The following AFF4 variants were observed in gnomAD, a reference collection of about 807,000 sequenced individuals.
AFF4 encodes the protein AF4/FMR2 family member 4.
In AFF4, 13 loss-of-function variants were observed where a neutral mutation model predicts 124.8. The ratio of observed to expected loss-of-function variants is 0.10; its 90% confidence interval spans 0.07 to 0.17. AFF4 has a LOEUF of 0.17. Among genes scored for constraint, AFF4 ranks in the 10% least tolerant of loss-of-function variants. AFF4 has a pLI of 1.00. For synonymous variants in AFF4, 477 were observed against 496.1 expected (o/e 0.96, Z 0.51); for missense variants, 1,092 against 1,403.8 (o/e 0.78, Z 3.55).
chr5:132,923,039 G>A (rs1435745795), intron 5 of AFF4, among the ~76,000 whole-genome samples: 1 of 151,992 alleles, frequency 6.6e-6, no homozygotes. Flanking sequence ...AGCCGGGCGT[G>A]GTGGTGCGTA....
chr5:132,925,653 C>T (rs563555736), intron 5 of AFF4, among the ~76,000 whole-genome samples: 3 of 152,156 alleles, frequency 2.0e-5, no homozygotes, highest in South Asian at 4.2e-4. Context: ...CACAAAGAAA[C>T]CAAATGGATA....
Position 132,881,827 on chromosome 5 carries a change from G to GT in AFF4, c.3365-642dup, listed in dbSNP as rs749611038. Among the ~76,000 whole-genome samples the GT allele has an allele frequency of 9.7e-3, 1,257 of 130,140 alleles. 11 individuals are homozygous for GT. Among genetic ancestry groups the GT allele is most frequent in the African/African-American group, 0.019 (674 of 35,242 alleles). The allele number at this position is 130,140 out of a possible 152,430, so 85.4% of individuals were successfully genotyped here. ...TCAGCCAAATATAAAATACAAAAAAGTTTTTTTTTTTTTTTTTTAGTAGAG... is the reference window on the plus strand; with the variant it reads ...TCAGCCAAATATAAAATACAAAAAAGTTTTTTTTTTTTTTTTTTTAGTAGAG... On this transcript the variant is annotated intron_variant, in intron 20 of 20. Transcript: ENST00000265343.
intron 5 of AFF4, among the ~76,000 whole-genome samples, chr5:132,906,813 T>C (rs1760681277): frequency 1.3e-5 from 2 of 152,120 alleles, no homozygotes; most frequent in Non-Finnish European, 2.9e-5. Context: ...AAAATGAAGA[T>C]TCCAGGATGG....
Position 132,914,033 on chromosome 5 carries a change from G to C in AFF4, c.1051-9629C>G, listed in dbSNP as rs191391735. ...GCTTGAGTCCAGGAGTTTGAGACCA[G>C]CCTGACCAACATGGTGAAACCCAGT... On this transcript the variant is annotated intron_variant, in intron 5 of 20. Transcript: ENST00000265343. 2.4e-3 allele frequency among the ~76,000 whole-genome samples: 369 copies of C among 152,178 alleles called. 3 individuals carry two copies. The highest frequency in any genetic ancestry group is 8.6e-3 in the African/African-American group (359 of 41,532).
At chr5:132,945,893 T>C (rs2150107381) in intron 1 of AFF4, among the ~76,000 whole-genome samples, 1 of 151,888 alleles carries the variant, frequency 6.6e-6, no homozygotes, top group Non-Finnish European at 1.5e-5. Flanking sequence ...AAACCCCGTC[T>C]CTACTAAAAA....
intron 5 of AFF4, among the ~76,000 whole-genome samples, chr5:132,913,440 A>G (rs972553973): frequency 3.3e-5 from 5 of 152,100 alleles, no homozygotes; most frequent in African/African-American, 9.7e-5. Flanking sequence ...CCACTCAACA[A>G]CAGCAGAATA....
intron 2 of AFF4, among the ~76,000 whole-genome samples, chr5:132,936,587 A>G (rs1761437373): frequency 6.6e-6 from 1 of 152,212 alleles, no homozygotes; most frequent in South Asian, 2.1e-4. Flanking sequence ...ATCACACTTA[A>G]AGAACACCTA....
At chr5:132,936,137 G>A (rs1761424073) in intron 2 of AFF4, among the ~76,000 whole-genome samples, 1 of 150,934 alleles carries the variant, frequency 6.6e-6, no homozygotes, top group Admixed American at 6.6e-5. Flanking sequence ...CATGGTGGCA[G>A]GCGCCTGTAG....
At chr5:132,916,951 G>A (rs1435817370) in intron 5 of AFF4, among the ~76,000 whole-genome samples, 3 of 151,118 alleles carry the variant, frequency 2.0e-5, no homozygotes, top group Non-Finnish European at 4.4e-5. Context: ...ATAGAGTTTC[G>A]CTCTTGTTGC....
At chr5:132,942,330 A>T (rs747909483) in intron 1 of AFF4, among the ~76,000 whole-genome samples, 1 of 152,190 alleles carries the variant, frequency 6.6e-6, no homozygotes, top group Non-Finnish European at 1.5e-5. Context: ...TCAAATGAAG[A>T]GTTACAGAGG....
chr5:132,947,170 G>GA (rs1761719322), intron 1 of AFF4, among the ~76,000 whole-genome samples: 1 of 152,178 alleles, frequency 6.6e-6, no homozygotes, highest in African/African-American at 2.4e-5. Context: ...TTGGGAGACT[G>GA]AGGCAGTGGA....
At chr5:132,912,613 G>A (rs903605122) in intron 5 of AFF4, among the ~76,000 whole-genome samples, 18 of 151,868 alleles carry the variant, frequency 1.2e-4, no homozygotes, top group African/African-American at 7.3e-5. Flanking sequence ...CTCCTTCCTC[G>A]GACTCCCAAA....
intron 11 of AFF4, among the ~76,000 whole-genome samples, chr5:132,893,641 C>T (rs1760318034): frequency 6.6e-6 from 1 of 152,136 alleles, no homozygotes; most frequent in African/African-American, 2.4e-5. Context: ...CCTCAGCCTC[C>T]CAGCTAATTT....
chr5:132,955,267 G>A (rs926908452), intron 1 of AFF4, among the ~76,000 whole-genome samples: 4 of 152,100 alleles, frequency 2.6e-5, no homozygotes, highest in African/African-American at 9.7e-5. Flanking sequence ...GGCCAGAGTG[G>A]TTATGGAAAA....
chr5:132,925,387 GAA>G (rs1349589087), intron 5 of AFF4, among the ~76,000 whole-genome samples: 1 of 151,714 alleles, frequency 6.6e-6, no homozygotes, highest in Non-Finnish European at 1.5e-5. Context: ...CCTAGAGAAA[GAA>G]AAGTCTTCTT....
chr5:132,915,484 C>G (rs866541146), intron 5 of AFF4, among the ~76,000 whole-genome samples: 1 of 151,826 alleles, frequency 6.6e-6, no homozygotes, highest in East Asian at 1.9e-4. Flanking sequence ...ACCACCCTCA[C>G]AGGGTTAAAC....
At chr5:132,883,038 G>A (rs1314894841) in intron 20 of AFF4, among the ~76,000 whole-genome samples, 2 of 152,006 alleles carry the variant, frequency 1.3e-5, no homozygotes, top group African/African-American at 4.8e-5. Context: ...CCTAGGGTAG[G>A]ACATATATTT....
At chr5:132,905,389 T>G (rs1412174647) in intron 5 of AFF4, among the ~76,000 whole-genome samples, 1 of 152,246 alleles carries the variant, frequency 6.6e-6, no homozygotes, top group African/African-American at 2.4e-5. Flanking sequence ...TATACAAATA[T>G]TCCTAAAAGC....
At chr5:132,942,630 G>A (rs1302164331) in intron 1 of AFF4, among the ~76,000 whole-genome samples, 1 of 152,088 alleles carries the variant, frequency 6.6e-6, no homozygotes, top group African/African-American at 2.4e-5. Flanking sequence ...ATGCCAGGAT[G>A]ATTTTGTATT....
Sources: gnomAD v4.1 joint callset for allele counts (sites outside exome capture counted in the v4.1 genomes callset) on GRCh38, gnomAD v4.1.1 for gene constraint, MANE v1.5 for transcripts, NCBI Gene and HGNC (gene_info 2026-07-23, HGNC 2026-07-21) for gene names.